Variants in WDR7 observed in about 807,000 individuals in gnomAD.
The protein encoded by WDR7 is WD repeat domain 7, also known as WD repeat-containing protein 7.
In WDR7, 46 loss-of-function variants were observed where a neutral mutation model predicts 169.4. That is an observed-to-expected ratio of 0.27 (90% CI 0.21 to 0.35). WDR7 has a LOEUF of 0.35. Ranked by LOEUF, WDR7 falls within the 10% of genes least tolerant of loss-of-function variation. WDR7 has a pLI of 1.00. For missense variants in WDR7, 1,534 were observed against 1,859.3 expected (o/e 0.83, Z 3.22); for synonymous variants, 612 against 666.8 (o/e 0.92, Z 1.27).
chr18:56,868,053 G>A (rs1160224496), intron 20 of WDR7, among the ~76,000 whole-genome samples: 1 of 152,066 alleles, frequency 6.6e-6, no homozygotes, highest in African/African-American at 2.4e-5. Flanking sequence ...ACAAAGGTGT[G>A]GGCATTAATT....
chr18:56,860,742 T>C (rs937594828), intron 20 of WDR7, among the ~76,000 whole-genome samples: 1 of 152,188 alleles, frequency 6.6e-6, no homozygotes, highest in Non-Finnish European at 1.5e-5. Context: ...GTGTTCTTTT[T>C]CTTCACACAA....
chr18:56,746,311 TCA>T (rs1289549969), intron 14 of WDR7, among the ~76,000 whole-genome samples: 1 of 152,140 alleles, frequency 6.6e-6, no homozygotes, highest in Non-Finnish European at 1.5e-5. Context: ...TCAATCACAA[TCA>T]CACTAAGCAG....
At chr18:56,956,435 G>A (rs1182515610) in intron 25 of WDR7, among the ~76,000 whole-genome samples, 1 of 152,126 alleles carries the variant, frequency 6.6e-6, no homozygotes, top group Non-Finnish European at 1.5e-5. Flanking sequence ...CTTGATTGTG[G>A]CTATGGCATC....
intron 1 of WDR7, among the ~76,000 whole-genome samples, chr18:56,655,923 A>G (rs910943682): frequency 8.5e-5 from 13 of 152,194 alleles, no homozygotes; most frequent in African/African-American, 3.1e-4. Context: ...GCATTTATCA[A>G]TAGTTTGTAC....
intron 26 of WDR7, among the ~76,000 whole-genome samples, chr18:56,976,859 AG>A (rs1371277405): frequency 6.6e-6 from 1 of 152,218 alleles, no homozygotes; most frequent in Admixed American, 6.5e-5. Context: ...CCTGAGCACA[AG>A]GGGTGGGCCC....
chr18:56,950,248 T>G (rs539767216), intron 25 of WDR7, among the ~76,000 whole-genome samples: 75 of 152,324 alleles, frequency 4.9e-4, no homozygotes, highest in African/African-American at 1.8e-3. Context: ...TTTAATTGAT[T>G]AATAACTTTT....
intron 22 of WDR7, among the ~76,000 whole-genome samples, chr18:56,924,779 A>G (rs2046779781): frequency 6.6e-6 from 1 of 152,222 alleles, no homozygotes; most frequent in Non-Finnish European, 1.5e-5. Context: ...CTTTTGGTGT[A>G]TAATACACAT....
At chr18:56,706,397 G>A (rs141373145) in intron 12 of WDR7, among the ~76,000 whole-genome samples, 1 of 152,324 alleles carries the variant, frequency 6.6e-6, no homozygotes, top group East Asian at 1.9e-4. Context: ...ATTGGTCAGT[G>A]AGAACAGCCT....
chr18:56,733,343 A>AG (rs1021399350), intron 14 of WDR7, among the ~76,000 whole-genome samples: 1 of 152,150 alleles, frequency 6.6e-6, no homozygotes, highest in Non-Finnish European at 1.5e-5. Flanking sequence ...GTTGAGTTTG[A>AG]GGTTCCTTCT....
intron 20 of WDR7, among the ~76,000 whole-genome samples, chr18:56,816,716 T>TTA (rs146614767): frequency 0.12 from 17,570 of 152,134 alleles, 1,455 homozygotes; most frequent in African/African-American, 0.23. Context: ...GCCCGTCTTT[T>TTA]TATACTCTTA....
At chr18:56,699,914 T>C (rs1385340256) in intron 12 of WDR7, 3 of 973,200 alleles carry the variant, frequency 3.1e-6, no homozygotes, top group Non-Finnish European at 3.7e-6. Flanking sequence ...TACATGTCAG[T>C]AGGTATTTAT....
intron 26 of WDR7, among the ~76,000 whole-genome samples, chr18:56,999,171 G>A (rs1162393552): frequency 1.3e-5 from 2 of 152,186 alleles, no homozygotes; most frequent in Non-Finnish European, 2.9e-5. Context: ...TTAGTTTGAT[G>A]TGAGGCTGCA....
chr18:56,730,256 A>G (rs1407894779), intron 13 of WDR7, among the ~76,000 whole-genome samples: 3 of 152,210 alleles, frequency 2.0e-5, no homozygotes, highest in Non-Finnish European at 4.4e-5. Context: ...AACACATAGT[A>G]TGTTCTCTGG....
At chr18:56,923,895 G>A (rs781012661) in intron 21 of WDR7, 27 bp from the exon 22 acceptor site, 11 of 1,496,248 alleles carry the variant, frequency 7.4e-6, no homozygotes, top group Non-Finnish European at 8.9e-6. Flanking sequence ...TTCCCCTTTT[G>A]CTCTGCATTT....
intron 21 of WDR7, among the ~76,000 whole-genome samples, chr18:56,906,544 CT>C (rs71171005): frequency 0.72 from 86,464 of 119,280 alleles, 30,624 homozygotes; most frequent in East Asian, 0.91. Context: ...TTCTTTCCTT[CT>C]TTTTTTTTTT....
chr18:56,794,302 C>CTTTTTTTTTTTTTTTT (rs1217568621), intron 19 of WDR7, among the ~76,000 whole-genome samples: 35 of 29,474 alleles, frequency 1.2e-3, no homozygotes, highest in Non-Finnish European at 2.0e-3. Flanking sequence ...AAGGTAAAGT[C>CTTTTTTTTTTTTTTTT]TATTTTTTTT....
Position 56,681,376 on chromosome 18 carries a change from A to C in WDR7, c.330A>C (p.Thr110=). 1 of 1,590,444 alleles carries C rather than the reference A, an allele frequency of 6.3e-7. No individual in the cohort carries two copies. Among genetic ancestry groups the C allele is most frequent in the Non-Finnish European group, 8.5e-7 (1 of 1,172,642 alleles). ...RCIEFTKLAC[T]HTGIQFYQFS... is the part of the protein sequence containing the mutation. ...TTGAATTTACAAAATTAGCTTGCAC[A>C]CATACTGGCATACAGGTTAGTTTCT... The change falls in exon 4 of 28, where the codon ACA becomes ACC. Residue 110 remains threonine (T), a synonymous_variant. Coordinates refer to ENST00000254442, the MANE Select transcript of WDR7 (RefSeq NM_015285.3).
At chr18:56,840,638 T>C (rs549048556) in intron 20 of WDR7, among the ~76,000 whole-genome samples, 1 of 151,814 alleles carries the variant, frequency 6.6e-6, no homozygotes, top group African/African-American at 2.4e-5. Flanking sequence ...CTGGGCAACA[T>C]GGCAAAACCC....
At chr18:57,021,107 C>T (rs1049281214) in intron 27 of WDR7, among the ~76,000 whole-genome samples, 8 of 152,172 alleles carry the variant, frequency 5.3e-5, no homozygotes, top group African/African-American at 1.9e-4. Context: ...CATAAATAAG[C>T]AAGCAATTAT....
Sources: gnomAD v4.1 joint callset for allele counts (sites outside exome capture counted in the v4.1 genomes callset) on GRCh38, gnomAD v4.1.1 for gene constraint, MANE v1.5 for transcripts, NCBI Gene and HGNC (gene_info 2026-07-23, HGNC 2026-07-21) for gene names.